Variants in LRRC1 observed in about 807,000 individuals in gnomAD.
The protein encoded by LRRC1 is leucine-rich repeat-containing protein 1.
Under a neutral mutation model 69.9 loss-of-function variants are expected in LRRC1, and 28 were observed. The ratio of observed to expected loss-of-function variants is 0.40; its 90% confidence interval spans 0.30 to 0.55. The LOEUF (loss-of-function observed/expected upper bound fraction) is 0.55, where lower values mean the gene tolerates loss of function less well. LRRC1 is among the 20% of genes least tolerant of loss of function. The pLI is 0.47. For missense variants in LRRC1, 498 were observed against 609.0 expected, an observed-to-expected ratio of 0.82 and a Z score of 1.92; for synonymous variants, 236 against 240.2, an observed-to-expected ratio of 0.98 and a Z score of 0.16.
intron 2 of LRRC1, among the ~76,000 whole-genome samples, chr6:53,846,055 T>C (rs1260812308): frequency 1.3e-5 from 2 of 152,226 alleles, no homozygotes; most frequent in African/African-American, 2.4e-5. Context: ...ACTAGACCTT[T>C]CTGGATGTTT....
intron 1 of LRRC1, among the ~76,000 whole-genome samples, chr6:53,824,225 T>C (rs1765196265): frequency 6.6e-6 from 1 of 152,182 alleles, no homozygotes; most frequent in Non-Finnish European, 1.5e-5. Context: ...TGTTTTAATT[T>C]GCATTTCTCT....
chr6:53,877,407 G>C (rs896807728), intron 2 of LRRC1, among the ~76,000 whole-genome samples: 3 of 152,110 alleles, frequency 2.0e-5, no homozygotes, highest in Non-Finnish European at 4.4e-5. Flanking sequence ...TCAGCTTCTC[G>C]TTACTTATGC....
At chr6:53,849,418 G>T (rs1311331635) in intron 2 of LRRC1, among the ~76,000 whole-genome samples, 3 of 152,164 alleles carry the variant, frequency 2.0e-5, no homozygotes, top group African/African-American at 7.2e-5. Flanking sequence ...TAATTAGGCC[G>T]TTTCTGTAGG....
At chr6:53,872,152 A>G (rs909876633) in intron 2 of LRRC1, among the ~76,000 whole-genome samples, 17 of 152,062 alleles carry the variant, frequency 1.1e-4, no homozygotes, top group Non-Finnish European at 1.9e-4. Flanking sequence ...ATCTCGTTTC[A>G]TTCTTCTGCA....
intron 10 of LRRC1, among the ~76,000 whole-genome samples, chr6:53,912,163 A>C (rs1768433238): frequency 6.6e-6 from 1 of 152,228 alleles, no homozygotes; most frequent in Non-Finnish European, 1.5e-5. Flanking sequence ...ATACTTGCCA[A>C]GTACCTTGAG....
intron 1 of LRRC1, among the ~76,000 whole-genome samples, chr6:53,815,449 T>A (rs1221903490): frequency 1.5e-5 from 1 of 68,012 alleles, no homozygotes; most frequent in African/African-American, 4.7e-5. Context: ...TCTTTTCTCT[T>A]GTTCTCTTTT....
Position 53,892,009 on chromosome 6 carries a change from T to TACACACACACACAC in LRRC1, c.447-4488_447-4487insCACACACACACACA, listed in dbSNP as rs761476094. On this transcript the variant is annotated intron_variant, in intron 4 of 13. Transcript: ENST00000370888. Reference sequence around the variant, plus strand: ...TCTGTCTAAAAAAAAAATATATATATATACACACACACACACACACACACA... The same window carrying TACACACACACACAC: ...TCTGTCTAAAAAAAAAATATATATATACACACACACACACATACACACACACACACACACACACA... 6.3e-3 allele frequency among the ~76,000 whole-genome samples: 472 copies of TACACACACACACAC among 74,584 alleles called. 9 individuals are homozygous for TACACACACACACAC. In the East Asian group the frequency reaches 0.082, roughly 13 times the overall value. 48.9% of individuals were successfully genotyped at this position (74,584 alleles called of 152,430 possible). A position where few individuals can be genotyped will look rare whatever the true frequency, so the allele number is the denominator to read the frequency against.
chr6:53,879,451 A>G (rs1767190143), intron 3 of LRRC1, among the ~76,000 whole-genome samples: 1 of 152,002 alleles, frequency 6.6e-6, no homozygotes, highest in Admixed American at 6.5e-5. Context: ...ATGCCTGGCT[A>G]ATTTTTGTAT....
intron 13 of LRRC1, among the ~76,000 whole-genome samples, chr6:53,922,273 T>C (rs1217553256): frequency 6.6e-6 from 1 of 152,274 alleles, no homozygotes; most frequent in Admixed American, 6.5e-5. Context: ...ATTTTTTATT[T>C]ACTCTTTTAT....
At chr6:53,800,089 C>T (rs1412348798) in intron 1 of LRRC1, among the ~76,000 whole-genome samples, 3 of 152,114 alleles carry the variant, frequency 2.0e-5, no homozygotes, top group Non-Finnish European at 2.9e-5. Flanking sequence ...GTTCAAGCCT[C>T]TGTTTCCTTG....
In LRRC1 at chr6:53,919,534, G is replaced by T; in HGVS notation, c.1143G>T (p.Lys381Asn). 1 of 1,606,870 alleles carries T rather than the reference G, an allele frequency of 6.2e-7. No homozygotes were observed. Among genetic ancestry groups the T allele is most frequent in the Non-Finnish European group, 8.5e-7 (1 of 1,177,444 alleles). ...TACCTTTATCCCTGACTGCCTTGAA[G>T]TTGAAGGCTCTGTGGCTATCTGACA... is the stretch of plus-strand genomic sequence containing the variant. ...LHLPLSLTAL[K>N]LKALWLSDNQ... Residue 381 changes from lysine to asparagine, a missense_variant, in exon 12 of 14, where the codon AAG becomes AAT. By Grantham distance (94) the Lys-to-Asn change is moderately conservative. This residue lies in a region of LRRC1 where 266 missense variants were observed against 383.9 expected (regional missense o/e 0.69). Transcript: ENST00000370888.
chr6:53,813,550 C>CT (rs57241045), intron 1 of LRRC1, among the ~76,000 whole-genome samples: 5 of 133,550 alleles, frequency 3.7e-5, no homozygotes, highest in Non-Finnish European at 6.2e-5. Flanking sequence ...TTTTTTTTTT[C>CT]TTTTTTTTTC....
chr6:53,817,262 C>T (rs957937444), intron 1 of LRRC1, among the ~76,000 whole-genome samples: 2 of 152,094 alleles, frequency 1.3e-5, no homozygotes, highest in African/African-American at 2.4e-5. Flanking sequence ...GGATTCTGAG[C>T]TCCTTGAGGG....
chr6:53,906,270 G>C (rs1055620304), intron 10 of LRRC1, among the ~76,000 whole-genome samples: 2 of 152,196 alleles, frequency 1.3e-5, no homozygotes, highest in Non-Finnish European at 2.9e-5. Flanking sequence ...GTAAACACGT[G>C]ACCACTTATG....
chr6:53,836,185 A>G (rs986277372), intron 1 of LRRC1, among the ~76,000 whole-genome samples: 2 of 152,224 alleles, frequency 1.3e-5, no homozygotes, highest in Non-Finnish European at 2.9e-5. Flanking sequence ...TGAGGCCAGC[A>G]TGGATCTTCC....
intron 8 of LRRC1, among the ~76,000 whole-genome samples, chr6:53,900,888 A>T (rs1768037034): frequency 6.6e-6 from 1 of 152,226 alleles, no homozygotes; most frequent in African/African-American, 2.4e-5. Flanking sequence ...CTTTAATTTT[A>T]TGCAGAACAT....
At chr6:53,845,417 T>C (rs1765912199) in intron 2 of LRRC1, among the ~76,000 whole-genome samples, 1 of 152,174 alleles carries the variant, frequency 6.6e-6, no homozygotes, top group Non-Finnish European at 1.5e-5. Flanking sequence ...ATCCTGCAGC[T>C]GGAGAGGCGA....
At chr6:53,827,256 A>G (rs189195173) in intron 1 of LRRC1, among the ~76,000 whole-genome samples, 1 of 151,304 alleles carries the variant, frequency 6.6e-6, no homozygotes, top group African/African-American at 2.4e-5. Flanking sequence ...AAGCATAGAT[A>G]TACTCTAAAT....
chr6:53,899,491 T>A (rs1484202700), intron 7 of LRRC1, among the ~76,000 whole-genome samples: 1 of 152,066 alleles, frequency 6.6e-6, no homozygotes, highest in African/African-American at 2.4e-5. Flanking sequence ...ACCTATTAAG[T>A]GGGAATGATT....
Sources: allele counts gnomAD v4.1 joint callset (sites outside exome capture counted in the v4.1 genomes callset), GRCh38; gene constraint gnomAD v4.1.1; regional missense constraint gnomAD v4.1.1; transcripts MANE v1.5; gene names NCBI Gene and HGNC (gene_info 2026-07-23, HGNC 2026-07-21).